CDC14B: variants seen among roughly 807,000 people sequenced by gnomAD.
CDC14B encodes the protein dual specificity protein phosphatase CDC14B.
A neutral mutation model predicts 64.2 loss-of-function variants in CDC14B; 22 were observed. The ratio of observed to expected loss-of-function variants is 0.34; its 90% CI spans 0.24 to 0.49. CDC14B has a LOEUF of 0.49. CDC14B is among the 20% of genes least tolerant of loss of function. The probability of loss-of-function intolerance (pLI) is 0.99; values close to 1 mark genes in which losing one functional copy is unlikely to be tolerated. For missense variants in CDC14B, 498 were observed against 629.9 expected (o/e 0.79, Z 2.24); for synonymous variants, 191 against 215.8 (o/e 0.89, Z 1.01).
At chr9:96,609,676 C>A (rs1364892071) in intron 1 of CDC14B, among the ~76,000 whole-genome samples, 1 of 152,118 alleles carries the variant, frequency 6.6e-6, no homozygotes, top group Non-Finnish European at 1.5e-5. Context: ...GATAGTATTG[C>A]ATTATGGATT....
intron 1 of CDC14B, among the ~76,000 whole-genome samples, chr9:96,571,922 T>C (rs1215468316): frequency 6.6e-6 from 1 of 152,132 alleles, no homozygotes; most frequent in Non-Finnish European, 1.5e-5. Context: ...CAGACAGGCC[T>C]TGCTGGGTGT....
At chr9:96,612,609 T>C (rs1379620292) in intron 1 of CDC14B, among the ~76,000 whole-genome samples, 2 of 152,252 alleles carry the variant, frequency 1.3e-5, no homozygotes, top group African/African-American at 4.8e-5. Flanking sequence ...CCTCATAGAA[T>C]TGGCTCTTCA....
intron 4 of CDC14B, among the ~76,000 whole-genome samples, chr9:96,561,654 A>AT (rs1287669232): frequency 0.072 from 9,864 of 137,232 alleles, 1,043 homozygotes; most frequent in African/African-American, 0.24. Flanking sequence ...CATTTTTTGT[A>AT]TTTTTTTTTT....
At chr9:96,553,236 C>T (rs1365221598) in intron 4 of CDC14B, among the ~76,000 whole-genome samples, 2 of 152,292 alleles carry the variant, frequency 1.3e-5, no homozygotes, top group Admixed American at 1.3e-4. Context: ...ACAGACATAT[C>T]CTAAAACTAG....
chr9:96,525,668 T>C (rs186528692), intron 9 of CDC14B, among the ~76,000 whole-genome samples: 1 of 152,366 alleles, frequency 6.6e-6, no homozygotes, highest in East Asian at 1.9e-4. Context: ...TTAGAAGCTC[T>C]TTCTTCTGGT....
At chr9:96,618,949 G>A (rs559900343) in intron 1 of CDC14B, among the ~76,000 whole-genome samples, 6 of 152,310 alleles carry the variant, frequency 3.9e-5, no homozygotes, top group East Asian at 1.9e-4. Flanking sequence ...AACTTAGAAA[G>A]GTGACCCTCG....
At chr9:96,588,645 C>A (rs943062917) in intron 1 of CDC14B, among the ~76,000 whole-genome samples, 5 of 152,088 alleles carry the variant, frequency 3.3e-5, no homozygotes, top group African/African-American at 1.2e-4. Context: ...CAACACCATA[C>A]CTGGCTAAGT....
At position 96,534,521 on chromosome 9, in the gene CDC14B, T is replaced by C; in HGVS notation, c.649A>G (p.Asn217Asp). ...ATAAATCGGTCTGGTATTATCCAATTTAAATCTCCATTTTCTGCTTTCTGC... is the reference window on the plus strand; with the variant it reads ...ATAAATCGGTCTGGTATTATCCAATCTAAATCTCCATTTTCTGCTTTCTGC... Reference protein sequence around the residue: ...HYEKAENGDLNWIIPDRFIAF... With the variant: ...HYEKAENGDLDWIIPDRFIAF... Residue 217 changes from asparagine (N) to aspartate (D), a missense_variant, in exon 8 of 14, where the codon AAT (asparagine) becomes GAT (aspartate). Physicochemically the swap from Asn to Asp is conservative, Grantham distance 23 (BLOSUM62 1). Transcript: ENST00000375241. The C allele has an allele frequency of 6.2e-7, 1 of 1,613,292 alleles. No individual in the cohort carries two copies. Among genetic ancestry groups the C allele is most frequent in the Non-Finnish European group, 8.5e-7 (1 of 1,179,356 alleles).
intron 5 of CDC14B, among the ~76,000 whole-genome samples, chr9:96,543,582 G>C (rs1840392029): frequency 6.6e-6 from 1 of 152,100 alleles, no homozygotes; most frequent in African/African-American, 2.4e-5. Flanking sequence ...ATACATACCA[G>C]TAAATCTTCC....
chr9:96,575,720 G>A (rs1844761867), intron 1 of CDC14B, among the ~76,000 whole-genome samples: 1 of 152,088 alleles, frequency 6.6e-6, no homozygotes, highest in Non-Finnish European at 1.5e-5. Context: ...AGCTAGGCTG[G>A]GCTCACATAA....
At chr9:96,521,061 C>T (rs1311341178) in intron 12 of CDC14B, among the ~76,000 whole-genome samples, 1 of 152,022 alleles carries the variant, frequency 6.6e-6, no homozygotes, top group African/African-American at 2.4e-5. Flanking sequence ...TACAAAGGCA[C>T]TATTTTTGTT....
chr9:96,518,756 C>G (rs143642112), intron 12 of CDC14B, among the ~76,000 whole-genome samples: 6 of 152,222 alleles, frequency 3.9e-5, no homozygotes, highest in Non-Finnish European at 7.3e-5. Context: ...CCTTCACCTT[C>G]AGTTCCTTAA....
In CDC14B at chr9:96,610,094, T is replaced by C. The variant is rs566056430; in HGVS notation, c.160+9125A>G. Among the ~76,000 whole-genome samples the C allele has an allele frequency of 1.8e-4, 27 of 147,754 alleles. No homozygotes were observed. The East Asian group carries it at 3.7e-3, about 20-fold the overall frequency. ...AATTGTTTTAAATTGGAAAGATATA[T>C]AGATACACACACACACACACACACA... On this transcript the variant is annotated intron_variant, in intron 1 of 13. Transcript: ENST00000375241.
intron 4 of CDC14B, among the ~76,000 whole-genome samples, chr9:96,560,874 C>T (rs1396724838): frequency 6.6e-6 from 1 of 151,366 alleles, no homozygotes; most frequent in Non-Finnish European, 1.5e-5. Context: ...TTTTAATAGA[C>T]AATCTATAAC....
At chr9:96,529,178 AC>A (rs1838038844) in intron 9 of CDC14B, among the ~76,000 whole-genome samples, 2 of 152,270 alleles carry the variant, frequency 1.3e-5, no homozygotes, top group South Asian at 4.1e-4. Context: ...TGAAGTTTTC[AC>A]CCTCTGTTTT....
At chr9:96,566,498 C>G (rs1843961451) in intron 1 of CDC14B, among the ~76,000 whole-genome samples, 1 of 152,204 alleles carries the variant, frequency 6.6e-6, no homozygotes, top group Admixed American at 6.5e-5. Context: ...CCACAAGGAC[C>G]TTTGATCCCT....
At chr9:96,597,220 G>A (rs1199346508) in intron 1 of CDC14B, among the ~76,000 whole-genome samples, 6 of 152,292 alleles carry the variant, frequency 3.9e-5, no homozygotes, top group Admixed American at 3.3e-4. Context: ...AGGGCCAGGC[G>A]CAGTGGCTCA....
rs907659016 is a variant in CDC14B at position 96,502,904 on chromosome 9, G to A, written c.*849C>T. 2.5e-6 allele frequency: 1 copy of A among 398,252 alleles called. No individual in the cohort carries two copies. The highest frequency in any genetic ancestry group is 2.1e-5 in the African/African-American group (1 of 48,548). 24.7% of individuals were successfully genotyped at this position (398,252 alleles called of 1,614,324 possible). A position where few individuals can be genotyped will look rare whatever the true frequency, so the allele number is the denominator to read the frequency against. ...TATTTGGGATTGCTGTTTCCAAGGG[G>A]AAAAACCAATAGTGTGTTTCTTCCA... On this transcript the variant is annotated 3_prime_UTR_variant, in exon 14 of 14. Transcript: ENST00000375241.
At chr9:96,600,636 G>A (rs1479585496) in intron 1 of CDC14B, among the ~76,000 whole-genome samples, 1 of 152,004 alleles carries the variant, frequency 6.6e-6, no homozygotes, top group Non-Finnish European at 1.5e-5. Flanking sequence ...CTGAGCAGCT[G>A]GGATAACAGG....
Sources: gnomAD v4.1 joint callset for allele counts (sites outside exome capture counted in the v4.1 genomes callset) on GRCh38, gnomAD v4.1.1 for gene constraint, MANE v1.5 for transcripts, NCBI Gene and HGNC (gene_info 2026-07-23, HGNC 2026-07-21) for gene names.